Variants in LATS2 observed in about 807,000 individuals in gnomAD.
LATS2 encodes serine/threonine-protein kinase LATS2.
In LATS2, 24 loss-of-function variants were observed where a neutral mutation model predicts 76.0. The ratio of observed to expected loss-of-function variants is 0.32; its 90% CI spans 0.23 to 0.44. LATS2 has a LOEUF of 0.44. LATS2 is among the 20% of genes least tolerant of loss of function. The probability of loss-of-function intolerance (pLI) is 1.00; values close to 1 mark genes in which losing one functional copy is unlikely to be tolerated. For synonymous variants in LATS2, 692 were observed against 635.4 expected (o/e 1.09, Z -1.34); for missense variants, 1,286 against 1,481.2 (o/e 0.87, Z 2.16).
At position 21,045,683 on chromosome 13, in the gene LATS2, A is replaced by G; in HGVS notation, c.342+2T>C. The G allele has an allele frequency of 1.2e-6, 2 of 1,611,340 alleles. No homozygotes were observed. The highest frequency in any genetic ancestry group is 4.5e-5 in the East Asian group (2 of 44,870). On this transcript the variant is annotated splice_donor_variant, in intron 2 of 7. Transcript: ENST00000382592. LOFTEE classifies it high-confidence loss of function. ...CATGGCCCTGCAGAGGTCTGTACCC[A>G]CCTGGTCGCATCCTGCGTTCACCAG...
intron 7 of LATS2, among the ~76,000 whole-genome samples, chr13:20,976,308 C>G (rs1869623958): frequency 6.6e-6 from 1 of 152,076 alleles, no homozygotes; most frequent in South Asian, 2.1e-4. Context: ...TGGTTTGAAC[C>G]TAAGTAGTTG....
Position 20,975,174 on chromosome 13 carries a change from G to A in LATS2, c.2963C>T (p.Pro988Leu), listed in dbSNP as rs202027345. 89 of 1,614,076 alleles carry A rather than the reference G, an allele frequency of 5.5e-5. No individual in the cohort carries two copies. The highest frequency in any genetic ancestry group is 5.1e-6 in the Non-Finnish European group (6 of 1,180,028). Residue 988 changes from proline to leucine, a missense_variant, in exon 8 of 8, where the codon CCC becomes CTC. Pro to Leu is a moderately conservative substitution (Grantham distance 98, BLOSUM62 -3). Coordinates refer to ENST00000382592, the MANE Select transcript of LATS2 (RefSeq NM_014572.3). Reference protein sequence around the residue: ...FSSDIRKQPAPYVPTISHPMD... With the variant: ...FSSDIRKQPALYVPTISHPMD... ...GGGGTGGCTGATGGTGGGAACGTAG[G>A]GGGCTGGCTGCTTCCGGATGTCACT...
rs1870278917 is a variant in LATS2, at chr13:20,988,324, C to G, written c.1456G>C (p.Ala486Pro). 6.7e-7 allele frequency: 1 copy of G among 1,491,338 alleles called. No individual in the cohort carries two copies. The highest frequency in any genetic ancestry group is 1.3e-5 in the South Asian group (1 of 76,586). The allele number at this position is 1,491,338 out of a possible 1,614,324, so 92.4% of individuals were successfully genotyped here. A position where few individuals can be genotyped will look rare whatever the true frequency, so the allele number is the denominator to read the frequency against. The change falls in exon 4 of 8, where the codon GCC becomes CCC. Residue 486 changes from alanine to proline, a missense_variant. By Grantham distance (27) the Ala-to-Pro change is conservative (BLOSUM62 -1). Around this residue, in one of 5 missense-constraint regions of LATS2, gnomAD observed 710 missense variants for 660.9 expected, o/e 1.07. Transcript: ENST00000382592. ...APAPAAEGLD[A>P]KEEHALALGG... Reference sequence around the variant, plus strand: ...AGCGCCAGGGCATGCTCCTCCTTGGCGTCCAAGCCCTCCGCAGCCGGGGCG... The same window carrying G: ...AGCGCCAGGGCATGCTCCTCCTTGGGGTCCAAGCCCTCCGCAGCCGGGGCG...
At chr13:21,060,641 G>A (rs1033117513) in intron 1 of LATS2, among the ~76,000 whole-genome samples, 2 of 151,676 alleles carry the variant, frequency 1.3e-5, no homozygotes, top group African/African-American at 4.8e-5. Context: ...AACGGGGTGG[G>A]AACCGCGCGG....
intron 2 of LATS2, among the ~76,000 whole-genome samples, chr13:21,001,956 C>T (rs1565950201): frequency 6.6e-6 from 1 of 151,760 alleles, no homozygotes; most frequent in Non-Finnish European, 1.5e-5. Flanking sequence ...CTCTGTCGCC[C>T]AGGCTGGAGT....
chr13:21,022,541 C>T (rs1348800340), intron 2 of LATS2, among the ~76,000 whole-genome samples: 1 of 152,160 alleles, frequency 6.6e-6, no homozygotes, highest in Non-Finnish European at 1.5e-5. Context: ...TTGTTCTAAC[C>T]ACGCAAAACA....
chr13:21,012,634 T>C (rs1035552675), intron 2 of LATS2, among the ~76,000 whole-genome samples: 2 of 152,256 alleles, frequency 1.3e-5, no homozygotes, highest in Admixed American at 1.3e-4. Flanking sequence ...TAGAAAATGC[T>C]ATTCATGGCT....
rs374990574 is a variant in LATS2, at chr13:20,988,226, G to A, written c.1554C>T (p.Tyr518=). 20 of 1,607,630 alleles carry A rather than the reference G, an allele frequency of 1.2e-5. No homozygotes were observed. In the African/African-American group the frequency reaches 1.7e-4, roughly 14 times the overall value. The change falls in exon 4 of 8, where the codon TAC becomes TAT. Residue 518 remains tyrosine (Y), a synonymous_variant. Coordinates refer to ENST00000382592, the MANE Select transcript of LATS2 (RefSeq NM_014572.3). ...TGCTGCGCAGCAGCAGGTGCTTCGG[G>A]TAGGGCGGAGGCGGGCACCTCCGGT... ...GPDRRCPPPP[Y]PKHLLLRSKS...
chr13:21,040,180 A>T (rs2138395203), intron 2 of LATS2, among the ~76,000 whole-genome samples: 1 of 152,164 alleles, frequency 6.6e-6, no homozygotes, highest in Non-Finnish European at 1.5e-5. Flanking sequence ...TCAGACTAGG[A>T]GTTCAAGACC....
intron 2 of LATS2, among the ~76,000 whole-genome samples, chr13:21,033,015 G>A (rs1285690667): frequency 1.3e-5 from 2 of 152,094 alleles, no homozygotes; most frequent in African/African-American, 4.8e-5. Context: ...TGAAGACAGT[G>A]GCTACCAAGA....
At chr13:21,009,885 G>T (rs1210283984) in intron 2 of LATS2, among the ~76,000 whole-genome samples, 1 of 152,272 alleles carries the variant, frequency 6.6e-6, no homozygotes, top group East Asian at 1.9e-4. Flanking sequence ...CTACAACACA[G>T]TGAGAGCAGA....
intron 2 of LATS2, among the ~76,000 whole-genome samples, chr13:21,022,020 G>A (rs1325939527): frequency 6.6e-6 from 1 of 152,128 alleles, no homozygotes; most frequent in Non-Finnish European, 1.5e-5. Flanking sequence ...AAAGTATAGT[G>A]GGCCCTGGGT....
At position 20,988,943 on chromosome 13, in the gene LATS2, C is replaced by G; in HGVS notation, c.837G>C (p.Thr279=). 1 of 1,530,028 alleles carries G rather than the reference C, an allele frequency of 6.5e-7. No homozygotes were observed. The highest frequency in any genetic ancestry group is 1.2e-5 in the South Asian group (1 of 83,852). 94.8% of individuals were successfully genotyped at this position (1,530,028 alleles called of 1,614,324 possible). Residue 279 remains threonine, a synonymous_variant, in exon 4 of 8, where the codon ACG becomes ACC. Transcript: ENST00000382592. ...TGGCGTAACCCCCGGTCTCCGGCGG[C>G]GTCTTGCTCTGGAAGGAGGGGCTGC... ...VQRSPSFQSK[T]PPETGGYASL...
At chr13:21,036,601 C>T (rs1455146962) in intron 2 of LATS2, among the ~76,000 whole-genome samples, 11 of 152,078 alleles carry the variant, frequency 7.2e-5, no homozygotes, top group East Asian at 3.9e-4. Flanking sequence ...GGTGAAACCC[C>T]GTCTCTACTA....
intron 1 of LATS2, among the ~76,000 whole-genome samples, chr13:21,060,089 C>G (rs1873578610): frequency 6.6e-6 from 1 of 152,256 alleles, no homozygotes; most frequent in South Asian, 2.1e-4. Flanking sequence ...ACTCGGGACC[C>G]TGTTACCGGC....
chr13:20,979,674 G>A lies in LATS2; in HGVS notation c.2772+17C>T. ...AGATGTCTACAGCAAGCAGATGCGT[G>A]GTTCCTCTCACATTACCTTCAGCTG... On this transcript the variant is annotated intron_variant, in intron 7 of 7. Coordinates refer to ENST00000382592, the MANE Select transcript of LATS2 (RefSeq NM_014572.3). The A allele has an allele frequency of 6.9e-7, 1 of 1,442,866 alleles. No homozygotes were observed. Among genetic ancestry groups the A allele is most frequent in the Non-Finnish European group, 9.8e-7 (1 of 1,025,244 alleles). 89.4% of individuals were successfully genotyped at this position (1,442,866 alleles called of 1,614,324 possible).
intron 2 of LATS2, among the ~76,000 whole-genome samples, chr13:21,036,682 A>G (rs1157503650): frequency 6.6e-6 from 1 of 152,134 alleles, no homozygotes; most frequent in Non-Finnish European, 1.5e-5. Flanking sequence ...CTGAAGCAGG[A>G]GAATTGCTTG....
intron 2 of LATS2, among the ~76,000 whole-genome samples, chr13:21,012,234 C>G (rs529411212): frequency 6.6e-6 from 1 of 152,058 alleles, no homozygotes. Flanking sequence ...ATATAGGACA[C>G]TTAACATGAA....
At chr13:20,980,548 A>C (rs1172219476) in intron 6 of LATS2, among the ~76,000 whole-genome samples, 2 of 152,152 alleles carry the variant, frequency 1.3e-5, no homozygotes, top group Non-Finnish European at 2.9e-5. Flanking sequence ...CCCCTCTGCT[A>C]TCTCTCCGTC....
Sources: allele counts gnomAD v4.1 joint callset (sites outside exome capture counted in the v4.1 genomes callset), GRCh38; gene constraint gnomAD v4.1.1; regional missense constraint gnomAD v4.1.1; transcripts MANE v1.5; gene names NCBI Gene and HGNC (gene_info 2026-07-23, HGNC 2026-07-21).